The following TTC17 variants were observed in gnomAD, a reference collection of about 807,000 sequenced individuals.
TTC17 encodes the protein tetratricopeptide repeat domain 17.
TTC17 carries 58 observed loss-of-function variants against 143.8 expected under a neutral mutation model. The observed-to-expected ratio is 0.40, with a 90% CI of 0.33 to 0.50. The LOEUF is 0.50. Ranked by LOEUF, TTC17 falls within the 20% of genes least tolerant of loss-of-function variation. TTC17 has a pLI of 0.49. For synonymous variants in TTC17, 501 were observed against 497.8 expected (o/e 1.01, Z -0.09); for missense variants, 1,273 against 1,392.5 (o/e 0.91, Z 1.37).
chr11:43,455,980 T>G (rs1947754364), intron 21 of TTC17, among the ~76,000 whole-genome samples: 1 of 152,216 alleles, frequency 6.6e-6, no homozygotes, highest in South Asian at 2.1e-4. Flanking sequence ...TCTAACAGCA[T>G]ATTTTGAAAA....
At chr11:43,359,334 C>G (rs1461946789) in intron 1 of TTC17, 7 of 540,530 alleles carry the variant, frequency 1.3e-5, no homozygotes, top group Non-Finnish European at 2.1e-5. Flanking sequence ...AGTTCTCACC[C>G]TTCCACCTCG....
intron 15 of TTC17, 152 bp downstream of exon 15, chr11:43,407,729 C>A: frequency 1.4e-6 from 1 of 708,554 alleles, no homozygotes; most frequent in South Asian, 2.8e-5. Context: ...TGTGAAAAAG[C>A]TTTTGTTGTA....
chr11:43,359,207 C>T (rs1855989350), intron 1 of TTC17, 94 bp downstream of exon 1: 1 of 1,403,708 alleles, frequency 7.1e-7, no homozygotes, highest in Non-Finnish European at 9.3e-7. Context: ...CGCGCGGCCC[C>T]GCCCCCAGCC....
At chr11:43,373,020 G>A (rs1856629038) in intron 1 of TTC17, among the ~76,000 whole-genome samples, 1 of 152,000 alleles carries the variant, frequency 6.6e-6, no homozygotes. Context: ...TACCTACAAA[G>A]CTCTGTGTTT....
At chr11:43,391,768 T>C in intron 4 of TTC17, 53 bp from the exon 5 acceptor site, 2 of 1,585,340 alleles carry the variant, frequency 1.3e-6, no homozygotes, top group Non-Finnish European at 1.7e-6. Context: ...CTGAATTATT[T>C]GTCATCTTTT....
chr11:43,394,472 A>G (rs1484886510), intron 5 of TTC17, among the ~76,000 whole-genome samples: 2 of 152,320 alleles, frequency 1.3e-5, no homozygotes, highest in East Asian at 1.9e-4. Flanking sequence ...TGGACTAGCA[A>G]TTGTTAGTAG....
chr11:43,359,242 CG>C (rs1855992298), intron 1 of TTC17, 129 bp downstream of exon 1: 3 of 1,164,238 alleles, frequency 2.6e-6, no homozygotes. Context: ...GGTGGCACCG[CG>C]ACCTCGGACT....
intron 16 of TTC17, among the ~76,000 whole-genome samples, chr11:43,431,682 A>G (rs1947162281): frequency 6.6e-6 from 1 of 152,218 alleles, no homozygotes; most frequent in African/African-American, 2.4e-5. Context: ...TGTAATTCTC[A>G]ACAACCTAAT....
intron 10 of TTC17, among the ~76,000 whole-genome samples, chr11:43,402,874 A>T (rs898805563): frequency 6.6e-6 from 1 of 152,198 alleles, no homozygotes; most frequent in Non-Finnish European, 1.5e-5. Flanking sequence ...TAACTAAGAG[A>T]TTAGGAGAGC....
chr11:43,477,048 A>G (rs1041766409), intron 21 of TTC17, among the ~76,000 whole-genome samples: 1 of 152,188 alleles, frequency 6.6e-6, no homozygotes, highest in African/African-American at 2.4e-5. Flanking sequence ...GATACCCTAA[A>G]TCATCTCTCT....
At chr11:43,359,905 A>T (rs1856029025) in intron 1 of TTC17, among the ~76,000 whole-genome samples, 1 of 152,128 alleles carries the variant, frequency 6.6e-6, no homozygotes, top group Non-Finnish European at 1.5e-5. Flanking sequence ...TAACTTTATG[A>T]TTGCCTGCGT....
chr11:43,367,533 ACT>A (rs1038983098), intron 1 of TTC17, among the ~76,000 whole-genome samples: 2 of 152,182 alleles, frequency 1.3e-5, no homozygotes, highest in African/African-American at 2.4e-5. Flanking sequence ...TTTAGAAGTC[ACT>A]CTGGTGAAAG....
chr11:43,439,056 G>A (rs1947356189), intron 16 of TTC17, among the ~76,000 whole-genome samples: 1 of 152,228 alleles, frequency 6.6e-6, no homozygotes, highest in East Asian at 1.9e-4. Flanking sequence ...CTTAGGCGTT[G>A]AAGATGGTTA....
intron 1 of TTC17, among the ~76,000 whole-genome samples, chr11:43,374,279 T>C (rs1856680258): frequency 6.6e-6 from 1 of 152,160 alleles, no homozygotes; most frequent in Non-Finnish European, 1.5e-5. Context: ...TAACTCAAGA[T>C]GGATTAAAGA....
At chr11:43,469,785 C>A (rs954125462) in intron 21 of TTC17, among the ~76,000 whole-genome samples, 2 of 152,162 alleles carry the variant, frequency 1.3e-5, no homozygotes, top group African/African-American at 4.8e-5. Flanking sequence ...GTGAATGTTA[C>A]ACTTAGGATC....
Position 43,448,097 on chromosome 11 carries a change from C to T in TTC17, c.2761C>T (p.Leu921Phe). 4 of 1,614,146 alleles carry T rather than the reference C, an allele frequency of 2.5e-6. No individual in the cohort carries two copies. Among genetic ancestry groups the T allele is most frequent in the South Asian group, 2.2e-5 (2 of 91,090 alleles). ...GCTGACTGCCATCGTGAGTACCTGGCTTGCAGTTTCTTCAAAAAACATTGA... is the reference window on the plus strand; with the variant it reads ...GCTGACTGCCATCGTGAGTACCTGGTTTGCAGTTTCTTCAAAAAACATTGA... Reference protein sequence around the residue: ...VELTAIVSTWLAVSSKNIDIT... With the variant: ...VELTAIVSTWFAVSSKNIDIT... The change falls in exon 19 of 24, where the codon CTT becomes TTT. Residue 921 changes from leucine to phenylalanine, a missense_variant. Around this residue, in one of 3 missense-constraint regions of TTC17, gnomAD observed 878 missense variants for 899.8 expected, o/e 0.98. Transcript: ENST00000039989.
chr11:43,362,149 TTGTGTGTGTGTGTGTGTGTG>T (rs3978779), intron 1 of TTC17, among the ~76,000 whole-genome samples: 36 of 138,144 alleles, frequency 2.6e-4, no homozygotes, highest in Non-Finnish European at 4.5e-4. Context: ...CCCGGCTAAT[TTGTGTGTGTGTGTGTGTGTG>T]TGTGTGTGTG....
At chr11:43,478,672 G>A (rs2134855700) in intron 21 of TTC17, among the ~76,000 whole-genome samples, 2 of 152,204 alleles carry the variant, frequency 1.3e-5, no homozygotes, top group East Asian at 3.9e-4. Context: ...CAGTGACACA[G>A]TCTTAGCTCG....
At position 43,486,614 on chromosome 11, in the gene TTC17, G is replaced by A. The variant is rs535956269; in HGVS notation, c.3031-3625G>A. Among the ~76,000 whole-genome samples, 17 of 152,292 alleles carry A rather than the reference G, an allele frequency of 1.1e-4. No homozygotes were observed. The South Asian group carries it at 2.1e-3, about 19-fold the overall frequency. ...GAATAGTGTGTGAGGATAGAATGGT[G>A]TAAGAACACGTAAGTAAATACAAGT... On this transcript the variant is annotated intron_variant, in intron 21 of 23. Coordinates refer to ENST00000039989, the MANE Select transcript of TTC17 (RefSeq NM_018259.6).
Sources: allele counts gnomAD v4.1 joint callset (sites outside exome capture counted in the v4.1 genomes callset), GRCh38; gene constraint gnomAD v4.1.1; regional missense constraint gnomAD v4.1.1; transcripts MANE v1.5; gene names NCBI Gene and HGNC (gene_info 2026-07-23, HGNC 2026-07-21).